PCLO: variants seen among roughly 807,000 people sequenced by gnomAD.
PCLO encodes piccolo presynaptic cytomatrix protein.
PCLO carries 82 observed loss-of-function variants against 427.5 expected under a neutral mutation model. The observed-to-expected ratio is 0.19, with a 90% confidence interval of 0.16 to 0.23. The LOEUF (loss-of-function observed/expected upper bound fraction) is 0.23, where lower values mean the gene tolerates loss of function less well. Ranked by LOEUF, PCLO falls within the 10% of genes least tolerant of loss-of-function variation. PCLO has a pLI of 1.00. For synonymous variants in PCLO, 2,357 were observed against 2,155.4 expected (o/e 1.09, Z -2.59); for missense variants, 6,239 against 6,115.9 (o/e 1.02, Z -0.67).
chr7:82,813,344 T>TA, intron 20 of PCLO, among the ~76,000 whole-genome samples: 1 of 151,830 alleles, frequency 6.6e-6, no homozygotes, highest in African/African-American at 2.4e-5. Context: ...AATAGATCCT[T>TA]AAAAAATACT....
intron 3 of PCLO, among the ~76,000 whole-genome samples, chr7:83,040,902 C>G (rs951328588): frequency 1.6e-4 from 25 of 152,124 alleles, no homozygotes; most frequent in African/African-American, 5.8e-4. Flanking sequence ...TCACATTGCA[C>G]TCCATAAATG....
chr7:83,038,090 TA>T, intron 3 of PCLO, among the ~76,000 whole-genome samples: 1 of 78,200 alleles, frequency 1.3e-5, no homozygotes, highest in African/African-American at 3.8e-5. Flanking sequence ...TATATCTTTA[TA>T]TATATATATT....
intron 8 of PCLO, among the ~76,000 whole-genome samples, chr7:82,904,439 T>A (rs1318195086): frequency 5.3e-5 from 8 of 151,998 alleles, no homozygotes; most frequent in Non-Finnish European, 1.2e-4. Context: ...AAAAATAAAA[T>A]CATATGCATT....
At chr7:83,039,699 A>C (rs1198371989) in intron 3 of PCLO, among the ~76,000 whole-genome samples, 3 of 152,240 alleles carry the variant, frequency 2.0e-5, no homozygotes, top group African/African-American at 7.2e-5. Context: ...ATTCCATATA[A>C]ATTTTAAGAT....
At chr7:82,977,604 G>A (rs1796050456) in intron 3 of PCLO, among the ~76,000 whole-genome samples, 1 of 151,734 alleles carries the variant, frequency 6.6e-6, no homozygotes, top group African/African-American at 2.4e-5. Context: ...AGTAGAGTCG[G>A]GGTTTCACTA....
intron 3 of PCLO, among the ~76,000 whole-genome samples, chr7:83,125,060 A>G (rs897988458): frequency 6.6e-6 from 1 of 151,954 alleles, no homozygotes; most frequent in African/African-American, 2.4e-5. Context: ...TCAGTGCTCA[A>G]TGTTGCCCAG....
At position 82,995,593 on chromosome 7, in the gene PCLO, A is replaced by G. The variant is rs916764998; in HGVS notation, c.3301-29106T>C. Among the ~76,000 whole-genome samples, 7 of 151,978 alleles carry G rather than the reference A, an allele frequency of 4.6e-5. No homozygotes were observed. The South Asian group carries it at 6.2e-4, about 13-fold the overall frequency. ...ATTGCAACTACTTGATGTGGACATG[A>G]TATCAAAGGAAAAGCAATATATTTG... On this transcript the variant is annotated intron_variant, in intron 3 of 24. Transcript: ENST00000333891.
chr7:82,902,728 T>C lies in PCLO; in HGVS notation c.13451A>G (p.Asn4484Ser). 6.3e-7 allele frequency: 1 copy of C among 1,582,726 alleles called. No homozygotes were observed. Among genetic ancestry groups the C allele is most frequent in the South Asian group, 1.1e-5 (1 of 90,392 alleles). ...AAAGATGTAGTGCATAGTTTTCCCG[T>C]TCATCTGTATAATCTAAGACATACA... ...SQHQEQIIQM[N>S]GKTMHYIFPH... Residue 4484 changes from asparagine (N) to serine (S), a missense_variant, in exon 9 of 25, where the codon AAC (asparagine) becomes AGC (serine). Around this residue, in one of 5 missense-constraint regions of PCLO, gnomAD observed 877 missense variants for 925.5 expected, o/e 0.95. Transcript: ENST00000333891.
chr7:82,911,985 T>C (rs201902600), intron 7 of PCLO, among the ~76,000 whole-genome samples: 3 of 152,176 alleles, frequency 2.0e-5, no homozygotes, highest in Non-Finnish European at 2.9e-5. Context: ...TATATCTATA[T>C]AGACTTTTCC....
chr7:83,122,571 C>A lies in PCLO; in HGVS notation c.3300+11679G>T, dbSNP rs547953522. On this transcript the variant is annotated intron_variant, in intron 3 of 24. Coordinates refer to ENST00000333891, the MANE Select transcript of PCLO (RefSeq NM_033026.6). ...AAAGTGCTGGGATTACAGTGGTGAG[C>A]CACTGCGCCTGGCCTAGGATGCCCA... 1.6e-4 allele frequency among the ~76,000 whole-genome samples: 24 copies of A among 152,240 alleles called. 1 individual carries two copies. In the South Asian group the frequency reaches 3.7e-3, roughly 24 times the overall value.
Position 83,072,423 on chromosome 7 carries a change from C to T in PCLO, c.3300+61827G>A, listed in dbSNP as rs763183240. Among the ~76,000 whole-genome samples the T allele has an allele frequency of 2.0e-5, 3 of 152,104 alleles. No individual in the cohort carries two copies. The East Asian group carries it at 5.8e-4, about 29-fold the overall frequency. The stretch of plus-strand genomic sequence containing the variant: ...TCTCATGTTATTTTTCTTCCTTTTG[C>T]ATCTAAAATAGGATGAATTAGTCCT... On this transcript the variant is annotated intron_variant, in intron 3 of 24. Coordinates refer to ENST00000333891, the MANE Select transcript of PCLO (RefSeq NM_033026.6).
At chr7:82,801,972 T>G (rs1294409435) in intron 21 of PCLO, among the ~76,000 whole-genome samples, 1 of 152,038 alleles carries the variant, frequency 6.6e-6, no homozygotes, top group Non-Finnish European at 1.5e-5. Context: ...TTTTATATGT[T>G]GTACTGATGA....
chr7:82,774,569 ATAAT>A (rs1790710885), intron 22 of PCLO, among the ~76,000 whole-genome samples: 1 of 152,198 alleles, frequency 6.6e-6, no homozygotes, highest in African/African-American at 2.4e-5. Flanking sequence ...AAATACTTTA[ATAAT>A]TTTTTTAAAG....
chr7:82,952,532 A>C lies in PCLO; in HGVS notation c.8421T>G (p.Thr2807=). The C allele has an allele frequency of 6.2e-7, 1 of 1,613,922 alleles. No homozygotes were observed. The highest frequency in any genetic ancestry group is 8.5e-7 in the Non-Finnish European group (1 of 1,179,860). Residue 2807 remains threonine, a synonymous_variant, in exon 5 of 25, where the codon ACT becomes ACG. Coordinates refer to ENST00000333891, the MANE Select transcript of PCLO (RefSeq NM_033026.6). The stretch of plus-strand genomic sequence containing the variant: ...CACCCACTAGGCTTTCTGTGCCTGT[A>C]GTGTAACTTGCACTAGCTGTGCATG... The part of the protein sequence containing the change: ...FVTCTASASY[T]TGTESLVGAE...
intron 3 of PCLO, among the ~76,000 whole-genome samples, chr7:83,062,022 T>C (rs1450742324): frequency 6.6e-6 from 1 of 152,152 alleles, no homozygotes; most frequent in East Asian, 1.9e-4. Context: ...TATATGACAT[T>C]GGGGACTAAG....
At chr7:83,096,889 T>TTAATATTATATAATATAAATATATATAAA (rs1790567723) in intron 3 of PCLO, among the ~76,000 whole-genome samples, 1 of 58,656 alleles carries the variant, frequency 1.7e-5, no homozygotes, top group African/African-American at 8.9e-5. Flanking sequence ...ATATATTATA[T>TTAATATTATATAATATAAATATATATAAA]AATATATTAA....
At chr7:82,933,444 C>T (rs1422606003) in intron 6 of PCLO, among the ~76,000 whole-genome samples, 1 of 151,840 alleles carries the variant, frequency 6.6e-6, no homozygotes. Flanking sequence ...AAACAGTTTG[C>T]TGTGGGAAAA....
At chr7:82,947,816 T>C (rs775270702) in intron 6 of PCLO, among the ~76,000 whole-genome samples, 10 of 152,136 alleles carry the variant, frequency 6.6e-5, no homozygotes, top group African/African-American at 1.9e-4. Flanking sequence ...TTACAACCCA[T>C]TGTATCAATT....
intron 3 of PCLO, among the ~76,000 whole-genome samples, chr7:83,009,098 G>T (rs1311889826): frequency 6.6e-6 from 1 of 151,350 alleles, no homozygotes; most frequent in East Asian, 1.9e-4. Flanking sequence ...CTTTTTAGTG[G>T]GTACTAGAAA....
Sources: allele counts gnomAD v4.1 joint callset (sites outside exome capture counted in the v4.1 genomes callset), GRCh38; gene constraint gnomAD v4.1.1; regional missense constraint gnomAD v4.1.1; transcripts MANE v1.5; gene names NCBI Gene and HGNC (gene_info 2026-07-23, HGNC 2026-07-21).